Variants in MAML3 observed in about 807,000 individuals in gnomAD.
MAML3 encodes mastermind like transcriptional coactivator 3, also known as mastermind-like protein 3.
Under a neutral mutation model 101.9 loss-of-function variants are expected in MAML3, and 27 were observed. That is an observed-to-expected ratio of 0.27 (90% CI 0.20 to 0.37). The LOEUF is 0.37. MAML3 is among the 10% of genes least tolerant of loss of function. The probability of loss-of-function intolerance (pLI) is 1.00; values close to 1 mark genes in which losing one functional copy is unlikely to be tolerated. For missense variants in MAML3, 1,316 were observed against 1,444.9 expected, an observed-to-expected ratio of 0.91 and a Z score of 1.45; for synonymous variants, 501 against 555.9, an observed-to-expected ratio of 0.90 and a Z score of 1.39.
chr4:139,964,130 T>A (rs1030121819), intron 1 of MAML3, among the ~76,000 whole-genome samples: 5 of 152,194 alleles, frequency 3.3e-5, no homozygotes, highest in African/African-American at 1.2e-4. Flanking sequence ...CGTTCTACTA[T>A]AAAGACACAT....
intron 2 of MAML3, among the ~76,000 whole-genome samples, chr4:139,777,150 C>T (rs752349985): frequency 6.6e-6 from 1 of 152,150 alleles, no homozygotes; most frequent in South Asian, 2.1e-4. Flanking sequence ...GAAAAGCTGA[C>T]GGTTCTTCAG....
intron 1 of MAML3, among the ~76,000 whole-genome samples, chr4:139,895,002 A>G (rs1441945924): frequency 2.0e-5 from 3 of 152,250 alleles, no homozygotes; most frequent in Non-Finnish European, 4.4e-5. Context: ...GTCCAAGTCC[A>G]TGACTCTGTT....
At chr4:139,969,983 C>G (rs1033216000) in intron 1 of MAML3, among the ~76,000 whole-genome samples, 2 of 152,168 alleles carry the variant, frequency 1.3e-5, no homozygotes, top group Non-Finnish European at 2.9e-5. Flanking sequence ...TAACATCTGA[C>G]CTTGGGCAAT....
At chr4:140,136,750 G>A (rs537106528) in intron 1 of MAML3, among the ~76,000 whole-genome samples, 1 of 152,240 alleles carries the variant, frequency 6.6e-6, no homozygotes, top group African/African-American at 2.4e-5. Flanking sequence ...TTCCCCAAAT[G>A]TATGAGCCAC....
Position 139,762,616 on chromosome 4 carries a change from G to T in MAML3, c.2080-31949C>A, listed in dbSNP as rs567184821. ...AAGGATATTCAAAGGACAGAATCGA[G>T]GAACTGATTTCCTCAATGGGAATAC... On this transcript the variant is annotated intron_variant, in intron 2 of 4. Coordinates refer to ENST00000509479, the MANE Select transcript of MAML3 (RefSeq NM_018717.5). Among the ~76,000 whole-genome samples, 26 of 152,280 alleles carry T rather than the reference G, an allele frequency of 1.7e-4. No individual in the cohort carries two copies. In the South Asian group the frequency reaches 5.4e-3, roughly 32 times the overall value.
chr4:140,022,231 C>T (rs985396621), intron 1 of MAML3, among the ~76,000 whole-genome samples: 1 of 152,176 alleles, frequency 6.6e-6, no homozygotes, highest in Non-Finnish European at 1.5e-5. Context: ...TAAATGTATA[C>T]TTTTAAAATC....
At position 140,153,297 on chromosome 4, in the gene MAML3, C is replaced by A; in HGVS notation, c.31G>T (p.Ala11Ser). The A allele has an allele frequency of 6.3e-7, 1 of 1,598,490 alleles. No individual in the cohort carries two copies. Reference protein sequence around the residue: MGDFAAPAAAANGSSICINSS... With the variant: MGDFAAPAAASNGSSICINSS... ...TTGATGCAAATACTACTGCCATTCGCGGCAGCAGCGGGGGCTGCGAAATCC... is the reference window on the plus strand; with the variant it reads ...TTGATGCAAATACTACTGCCATTCGAGGCAGCAGCGGGGGCTGCGAAATCC... The change falls in exon 1 of 5, where the codon GCG becomes TCG. Residue 11 changes from alanine (A) to serine (S), a missense_variant. Transcript: ENST00000509479.
intron 2 of MAML3, among the ~76,000 whole-genome samples, chr4:139,829,412 T>C (rs1731123824): frequency 6.6e-6 from 1 of 152,060 alleles, no homozygotes; most frequent in African/African-American, 2.4e-5. Flanking sequence ...TGTGAAGCCA[T>C]GAAGAGCCTG....
At chr4:140,079,706 C>A (rs774241913) in intron 1 of MAML3, among the ~76,000 whole-genome samples, 88 of 152,178 alleles carry the variant, frequency 5.8e-4, no homozygotes, top group Non-Finnish European at 1.1e-3. Flanking sequence ...CAAGGTCTAA[C>A]CATATATAAG....
intron 1 of MAML3, among the ~76,000 whole-genome samples, chr4:140,149,727 T>C (rs1283098205): frequency 6.6e-6 from 1 of 152,180 alleles, no homozygotes; most frequent in Admixed American, 6.5e-5. Flanking sequence ...GAGCGCCCAA[T>C]CTGAGAACTA....
chr4:139,832,957 G>C (rs1731194311), intron 2 of MAML3, among the ~76,000 whole-genome samples: 1 of 152,178 alleles, frequency 6.6e-6, no homozygotes, highest in African/African-American at 2.4e-5. Flanking sequence ...AAAACAACAG[G>C]CCAGAGAGCA....
At chr4:140,133,226 G>C in intron 1 of MAML3, 1 of 353,894 alleles carries the variant, frequency 2.8e-6, no homozygotes, top group East Asian at 7.4e-5. Flanking sequence ...AAATTAGTAT[G>C]TAACTCTTTC....
chr4:139,865,968 A>G (rs1731892040), intron 2 of MAML3, among the ~76,000 whole-genome samples: 1 of 152,360 alleles, frequency 6.6e-6, no homozygotes, highest in East Asian at 1.9e-4. Flanking sequence ...GTGCACCTCT[A>G]GGCCCAAAGA....
intron 1 of MAML3, among the ~76,000 whole-genome samples, chr4:139,908,399 T>A (rs112164740): frequency 6.6e-6 from 1 of 152,230 alleles, no homozygotes; most frequent in African/African-American, 2.4e-5. Flanking sequence ...TAAGGGCCAA[T>A]TGAATATTTA....
At chr4:140,144,705 T>A (rs535043409) in intron 1 of MAML3, among the ~76,000 whole-genome samples, 8 of 152,084 alleles carry the variant, frequency 5.3e-5, no homozygotes, top group Admixed American at 2.0e-4. Flanking sequence ...TATATTCGAG[T>A]TTCAGCAAGT....
chr4:140,120,205 C>G (rs1352633196), intron 1 of MAML3, among the ~76,000 whole-genome samples: 1 of 147,958 alleles, frequency 6.8e-6, no homozygotes, highest in Non-Finnish European at 1.5e-5. Context: ...CCACCGCACT[C>G]CAGCCTGGGC....
chr4:139,794,469 G>A (rs1377473861), intron 2 of MAML3: 1 of 152,174 alleles, frequency 6.6e-6, no homozygotes, highest in East Asian at 1.9e-4. Flanking sequence ...GTGCCTTACT[G>A]GCCTCACCCT....
At chr4:140,058,268 A>C (rs1342423020) in intron 1 of MAML3, among the ~76,000 whole-genome samples, 3 of 93,960 alleles carry the variant, frequency 3.2e-5, no homozygotes, top group Non-Finnish European at 3.4e-5. Context: ...AGCTCAGAGT[A>C]CTTTTTTTTT....
intron 1 of MAML3, among the ~76,000 whole-genome samples, chr4:140,040,993 A>T (rs1727076990): frequency 6.6e-6 from 1 of 152,126 alleles, no homozygotes; most frequent in Non-Finnish European, 1.5e-5. Flanking sequence ...TGAAACTTTC[A>T]TGGAGGACAC....
Sources: gnomAD v4.1 joint callset for allele counts (sites outside exome capture counted in the v4.1 genomes callset) on GRCh38, gnomAD v4.1.1 for gene constraint, MANE v1.5 for transcripts, NCBI Gene and HGNC (gene_info 2026-07-23, HGNC 2026-07-21) for gene names.